Variants in RGPD8 observed in about 807,000 individuals in gnomAD.
The protein encoded by RGPD8 is RANBP2-like and GRIP domain-containing protein 8.
In RGPD8, 15 loss-of-function variants were observed where a neutral mutation model predicts 89.1. The observed-to-expected ratio is 0.17, with a 90% confidence interval of 0.11 to 0.26. RGPD8 has a LOEUF of 0.26. Ranked by LOEUF, RGPD8 falls within the 10% of genes least tolerant of loss-of-function variation. The pLI is 1.00. For synonymous variants in RGPD8, 62 were observed against 420.9 expected, an observed-to-expected ratio of 0.15 and a Z score of 10.44; for missense variants, 178 against 1,179.6, an observed-to-expected ratio of 0.15 and a Z score of 12.44.
intron 22 of RGPD8, among the ~76,000 whole-genome samples, chr2:112,370,753 G>A (rs1375206368): frequency 1.5e-5 from 2 of 137,128 alleles, no homozygotes; most frequent in South Asian, 2.4e-4. Flanking sequence ...CAACTTAACA[G>A]CTAATTTTCT....
chr2:112,433,305 AG>A (rs1680142834), intron 1 of RGPD8, 76 bp downstream of exon 1: 1 of 1,482,068 alleles, frequency 6.7e-7, no homozygotes, highest in Non-Finnish European at 9.0e-7. Context: ...TGACCCATCG[AG>A]GCCGCCGCCG....
In RGPD8 at chr2:112,429,278, G is replaced by A. The variant is rs1447824406; in HGVS notation, c.72+4104C>T. On this transcript the variant is annotated intron_variant, in intron 1 of 22. Coordinates refer to ENST00000302558, the MANE Select transcript of RGPD8 (RefSeq NM_001164463.1). The stretch of plus-strand genomic sequence containing the variant: ...TACTAAAAATGCTAAAAAATTAGCC[G>A]AGTGTTGTGGCGGGTGCCTGTAGTC... Among the ~76,000 whole-genome samples, 15 of 151,680 alleles carry A rather than the reference G, an allele frequency of 9.9e-5. No individual in the cohort carries two copies. The East Asian group carries it at 1.4e-3, about 14-fold the overall frequency.
At chr2:112,428,668 G>T (rs1338241884) in intron 1 of RGPD8, among the ~76,000 whole-genome samples, 1 of 151,968 alleles carries the variant, frequency 6.6e-6, no homozygotes, top group East Asian at 1.9e-4. Flanking sequence ...GGTTGGAGAA[G>T]TTGGTTAGTA....
rs532121872 is a variant in RGPD8, at chr2:112,410,842, T to C, written c.978+1589A>G. The stretch of plus-strand genomic sequence containing the variant: ...GCTCACTGCCTGTAATCCCAGCACT[T>C]TGAGAGGCCGAGACGCGCAGATCAC... On this transcript the variant is annotated intron_variant, in intron 7 of 22. Coordinates refer to ENST00000302558, the MANE Select transcript of RGPD8 (RefSeq NM_001164463.1). Among the ~76,000 whole-genome samples the C allele has an allele frequency of 3.0e-4, 46 of 152,394 alleles. No homozygotes were observed. The East Asian group carries it at 8.7e-3, about 29-fold the overall frequency.
At chr2:112,410,917 C>T (rs553288137) in intron 7 of RGPD8, among the ~76,000 whole-genome samples, 27 of 152,402 alleles carry the variant, frequency 1.8e-4, no homozygotes, top group African/African-American at 6.3e-4. Context: ...GAAACCTCGT[C>T]TCTACTAAAA....
At chr2:112,370,298 TACAATATA>T (rs1203170710) in intron 22 of RGPD8, 86 bp from the exon 23 acceptor site, 2 of 574,440 alleles carry the variant, frequency 3.5e-6, no homozygotes, top group African/African-American at 4.7e-5. Context: ...AGAACCACTC[TACAATATA>T]AGCAAATAAT....
chr2:112,429,365 G>A (rs1365926720), intron 1 of RGPD8, among the ~76,000 whole-genome samples: 11 of 128,592 alleles, frequency 8.6e-5, no homozygotes, highest in African/African-American at 2.0e-4. Context: ...GCAGTGAGCC[G>A]AGATCGCGAC....
chr2:112,432,621 G>C (rs890348180), intron 1 of RGPD8: 5 of 985,222 alleles, frequency 5.1e-6, no homozygotes, highest in Non-Finnish European at 6.0e-6. Flanking sequence ...CCTCCGCCGC[G>C]GCATATAAAG....
intron 21 of RGPD8, among the ~76,000 whole-genome samples, chr2:112,380,376 G>T (rs1340476630): frequency 7.9e-6 from 1 of 126,144 alleles, no homozygotes; most frequent in Non-Finnish European, 1.8e-5. Flanking sequence ...TATTTTGGCT[G>T]GATGCGGTGG....
At chr2:112,432,729 C>T (rs900571082) in intron 1 of RGPD8, 38 of 985,218 alleles carry the variant, frequency 3.9e-5, no homozygotes, top group Non-Finnish European at 4.5e-5. Context: ...GCCAGAAAGC[C>T]CGGGCCAGGG....
At chr2:112,414,321 CA>C (rs1361640084) in intron 6 of RGPD8, among the ~76,000 whole-genome samples, 1 of 108,276 alleles carries the variant, frequency 9.2e-6, no homozygotes, top group East Asian at 2.5e-4. Context: ...ACTAAAAATA[CA>C]AAAAATTAGC....
chr2:112,432,866 A>C (rs1180279858), intron 1 of RGPD8, among the ~76,000 whole-genome samples: 3 of 152,208 alleles, frequency 2.0e-5, no homozygotes, highest in Non-Finnish European at 2.9e-5. Context: ...CGCCGCCCAC[A>C]GGACTGCGCT....
intron 20 of RGPD8, among the ~76,000 whole-genome samples, chr2:112,382,233 ATACT>A (rs1292752263): frequency 1.3e-5 from 2 of 152,410 alleles, no homozygotes; most frequent in South Asian, 4.1e-4. Flanking sequence ...GTGTAAGGTA[ATACT>A]TAATAAGCAT....
At chr2:112,427,841 G>A (rs1679840110) in intron 1 of RGPD8, among the ~76,000 whole-genome samples, 1 of 151,964 alleles carries the variant, frequency 6.6e-6, no homozygotes, top group Non-Finnish European at 1.5e-5. Flanking sequence ...GAAAAGTCTA[G>A]ATACTGAACC....
Position 112,389,606 on chromosome 2 carries a change from TATCCA to T in RGPD8, c.3334_3338del (p.Trp1112AsnfsTer14). 3.7e-6 allele frequency: 6 copies of T among 1,605,376 alleles called. No individual in the cohort carries two copies. Among genetic ancestry groups the T allele is most frequent in the Non-Finnish European group, 5.1e-6 (6 of 1,178,788 alleles). On this transcript the variant is annotated frameshift_variant, in exon 20 of 23. Transcript: ENST00000302558. LOFTEE classifies it high-confidence loss of function. The stretch of plus-strand genomic sequence containing the variant: ...GGGGCTTCAGGTTCATTGTAGTCGT[TATCCA>T]ATGATTAGCACACACTTTTAGTACT...
At chr2:112,419,957 T>C (rs1342673724) in intron 4 of RGPD8, among the ~76,000 whole-genome samples, 3 of 123,216 alleles carry the variant, frequency 2.4e-5, no homozygotes. Context: ...TGATTGTTCA[T>C]AGCAGTTGAA....
At chr2:112,395,858 C>G (rs1164391252) in intron 17 of RGPD8, among the ~76,000 whole-genome samples, 1 of 152,306 alleles carries the variant, frequency 6.6e-6, no homozygotes, top group Non-Finnish European at 1.5e-5. Context: ...CCAATGCCGT[C>G]TAGTGTAGCT....
chr2:112,415,893 G>C (rs1277492123), intron 6 of RGPD8, among the ~76,000 whole-genome samples: 1 of 147,646 alleles, frequency 6.8e-6, no homozygotes, highest in Admixed American at 6.7e-5. Flanking sequence ...AAAAAAAAAA[G>C]AGAGATTGAG....
intron 1 of RGPD8, among the ~76,000 whole-genome samples, chr2:112,432,291 T>C (rs1053422340): frequency 8.6e-5 from 13 of 151,998 alleles, no homozygotes; most frequent in Non-Finnish European, 1.5e-4. Flanking sequence ...TGGAAAAGGT[T>C]AAAAATTGTA....
Sources: gnomAD v4.1 joint callset for allele counts (sites outside exome capture counted in the v4.1 genomes callset) on GRCh38, gnomAD v4.1.1 for gene constraint, MANE v1.5 for transcripts, NCBI Gene and HGNC (gene_info 2026-07-23, HGNC 2026-07-21) for gene names.